Variants in ARHGEF11 observed in about 807,000 individuals in gnomAD.
ARHGEF11 encodes the protein Rho guanine exchange factor (GEF) 11.
A neutral mutation model predicts 193.7 loss-of-function variants in ARHGEF11; 55 were observed. That is an observed-to-expected ratio of 0.28 (90% confidence interval 0.23 to 0.36). ARHGEF11 has a LOEUF of 0.36. Among genes scored for constraint, ARHGEF11 ranks in the 10% least tolerant of loss-of-function variants. The pLI is 1.00. For missense variants in ARHGEF11, 1,723 were observed against 2,005.6 expected, an observed-to-expected ratio of 0.86 and a Z score of 2.69; for synonymous variants, 693 against 768.0, an observed-to-expected ratio of 0.90 and a Z score of 1.62.
At chr1:157,038,249 C>T (rs1672309078) in intron 1 of ARHGEF11, among the ~76,000 whole-genome samples, 1 of 137,216 alleles carries the variant, frequency 7.3e-6, no homozygotes, top group African/African-American at 2.8e-5. Context: ...TCCCATCACA[C>T]CACTTTGTAG....
intron 20 of ARHGEF11, 71 bp downstream of exon 20, chr1:156,955,632 A>C: frequency 8.1e-7 from 1 of 1,228,732 alleles, no homozygotes. Flanking sequence ...CTCTGCCAAC[A>C]TACTGGTACA....
At chr1:157,036,996 C>G (rs1267886118) in intron 1 of ARHGEF11, among the ~76,000 whole-genome samples, 1 of 151,964 alleles carries the variant, frequency 6.6e-6, no homozygotes, top group Non-Finnish European at 1.5e-5. Context: ...GGCATGGGAT[C>G]AGGCACCTGT....
rs1480167148 is a variant in ARHGEF11 at position 156,948,161 on chromosome 1, C to T, written c.2153+20G>A. 6.4e-7 allele frequency: 1 copy of T among 1,551,900 alleles called. No homozygotes were observed. The highest frequency in any genetic ancestry group is 1.3e-5 in the South Asian group (1 of 79,996). On this transcript the variant is annotated intron_variant, in intron 24 of 40. Coordinates refer to ENST00000368194, the MANE Select transcript of ARHGEF11 (RefSeq NM_198236.3). This position sits in a 1 kb window ranked among gnomAD's most constrained non-coding sequence, Gnocchi z 4.2. ...GACACAGAGACACCAAACAGAGGCA[C>T]CACCGTGCCCATCACTTACCTGCGG... is the stretch of plus-strand genomic sequence containing the variant.
chr1:156,956,367 G>T, intron 19 of ARHGEF11, 53 bp downstream of exon 19: 1 of 1,588,872 alleles, frequency 6.3e-7, no homozygotes, highest in Non-Finnish European at 8.6e-7. Flanking sequence ...CACCCGCCTT[G>T]GCATTCCAAA....
intron 1 of ARHGEF11, among the ~76,000 whole-genome samples, chr1:157,034,869 G>C (rs986491663): frequency 5.9e-5 from 9 of 152,196 alleles, no homozygotes; most frequent in Non-Finnish European, 7.4e-5. Flanking sequence ...TGTGCAAAAG[G>C]AATGCTGAAT....
At chr1:156,938,559 A>C in intron 37 of ARHGEF11, 46 bp from the exon 38 acceptor site, 1 of 1,561,160 alleles carries the variant, frequency 6.4e-7, no homozygotes, top group Non-Finnish European at 8.8e-7. Context: ...ACCAAAACAC[A>C]AGGAAAGGGA....
chr1:157,000,762 G>T (rs1454255593), intron 1 of ARHGEF11, among the ~76,000 whole-genome samples: 1 of 152,156 alleles, frequency 6.6e-6, no homozygotes, highest in Non-Finnish European at 1.5e-5. Flanking sequence ...CCCCTTCCTT[G>T]GGCAGGCTGT....
In ARHGEF11 at chr1:157,017,776, A is replaced by G. The variant is rs777726496; in HGVS notation, c.32+26523T>C. The stretch of plus-strand genomic sequence containing the variant: ...AATAATTTCTTTTGTTTTGATTTTT[A>G]AAGAATTTCTGGTAAGAGAGAATCT... On this transcript the variant is annotated intron_variant, in intron 1 of 40. Transcript: ENST00000368194. Among the ~76,000 whole-genome samples, 68 of 151,614 alleles carry G rather than the reference A, an allele frequency of 4.5e-4. 1 individual carries two copies. The highest frequency in any genetic ancestry group is 3.2e-3 in the Middle Eastern group (1 of 314).
Position 156,945,134 on chromosome 1 carries a change from T to C in ARHGEF11, c.2876A>G (p.Tyr959Cys), listed in dbSNP as rs1041459347. 1.2e-6 allele frequency: 2 copies of C among 1,614,212 alleles called. No homozygotes were observed. Among genetic ancestry groups the C allele is most frequent in the Non-Finnish European group, 8.5e-7 (1 of 1,180,030 alleles). The stretch of plus-strand genomic sequence containing the variant: ...TGTTTGTTTTACCGCTTCATTCACA[T>C]ACTTGAGAATCTCCCGGCACTGGTC... ...ARDQCREILK[Y>C]VNEAVKQTEN... The change falls in exon 30 of 41, where the codon TAT (tyrosine) becomes TGT (cysteine). Residue 959 changes from tyrosine to cysteine, a missense_variant. By Grantham distance (194) the Tyr-to-Cys change is radical. Coordinates refer to ENST00000368194, the MANE Select transcript of ARHGEF11 (RefSeq NM_198236.3).
At chr1:156,938,611 CAG>C in intron 37 of ARHGEF11, 98 bp from the exon 38 acceptor site, 1 of 1,138,260 alleles carries the variant, frequency 8.8e-7, no homozygotes, top group South Asian at 1.4e-5. Context: ...GAGGTGGGGA[CAG>C]GGGGAGGAGA....
At chr1:157,046,752 G>C (rs2103149001), upstream of ARHGEF11, among the ~76,000 whole-genome samples, 1 of 152,200 alleles carries the variant, frequency 6.6e-6, no homozygotes, top group Non-Finnish European at 1.5e-5. Context: ...AGAAGGTGCC[G>C]AGCGTTATGA....
chr1:156,997,017 A>G (rs1666614430), intron 1 of ARHGEF11, among the ~76,000 whole-genome samples: 1 of 151,502 alleles, frequency 6.6e-6, no homozygotes, highest in Non-Finnish European at 1.5e-5. Context: ...CTGCACCACT[A>G]TATCTGGCTA....
At chr1:157,011,454 T>C (rs1280001868) in intron 1 of ARHGEF11, among the ~76,000 whole-genome samples, 1 of 151,864 alleles carries the variant, frequency 6.6e-6, no homozygotes, top group Non-Finnish European at 1.5e-5. Context: ...ACCAAAAGCA[T>C]ACGCAAAAAA....
intron 6 of ARHGEF11, among the ~76,000 whole-genome samples, chr1:156,977,836 C>T (rs1663473521): frequency 6.6e-6 from 1 of 152,198 alleles, no homozygotes. Context: ...ATTCCAAACC[C>T]TGGTTAACAC....
chr1:156,979,384 G>A, intron 4 of ARHGEF11, 98 bp from the exon 5 acceptor site: 1 of 362,816 alleles, frequency 2.8e-6, no homozygotes, highest in Non-Finnish European at 4.3e-6. Context: ...TTTTTTTTTT[G>A]AGATGGAGTC....
Position 156,939,845 on chromosome 1 carries a change from C to A in ARHGEF11, c.3799G>T (p.Ala1267Ser). The change falls in exon 37 of 41, where the codon GCC (alanine) becomes TCC (serine). Residue 1267 changes from alanine (A) to serine (S), a missense_variant. Ala to Ser is a moderately conservative substitution (Grantham distance 99, BLOSUM62 1). Around this residue, in one of 5 missense-constraint regions of ARHGEF11, gnomAD observed 203 missense variants for 237.3 expected, o/e 0.86. Coordinates refer to ENST00000368194, the MANE Select transcript of ARHGEF11 (RefSeq NM_198236.3). ...LPGHTMETQA[A>S]QEPEDDLTPT... The stretch of plus-strand genomic sequence containing the variant: ...GTCAGGTCGTCCTCGGGCTCCTGGG[C>A]AGCCTGAGTTTCCATGGTGTGACCT... The A allele has an allele frequency of 2.5e-6, 4 of 1,612,352 alleles. No individual in the cohort carries two copies. Among genetic ancestry groups the A allele is most frequent in the Non-Finnish European group, 3.4e-6 (4 of 1,179,958 alleles).
intron 34 of ARHGEF11, 58 bp downstream of exon 34, chr1:156,941,806 A>AGGAAACAGGAGGTTTGGAGT: frequency 6.5e-7 from 1 of 1,542,700 alleles, no homozygotes; most frequent in Non-Finnish European, 8.7e-7. Flanking sequence ...TAAAAGCAGC[A>AGGAAACAGGAGGTTTGGAGT]GGAAACAGGA....
At chr1:156,947,667 C>G (rs544334064) in intron 25 of ARHGEF11, 102 bp downstream of exon 25, 2 of 1,463,736 alleles carry the variant, frequency 1.4e-6, no homozygotes, top group Admixed American at 2.0e-5. Flanking sequence ...CACACAGGGG[C>G]CCCCCACCCT....
At chr1:157,013,294 CA>C (rs1668786376) in intron 1 of ARHGEF11, among the ~76,000 whole-genome samples, 3 of 151,022 alleles carry the variant, frequency 2.0e-5, no homozygotes, top group East Asian at 2.0e-4. Flanking sequence ...CACACACACA[CA>C]CACACCAAGA....
Sources: allele counts gnomAD v4.1 joint callset (sites outside exome capture counted in the v4.1 genomes callset), GRCh38; gene constraint gnomAD v4.1.1; regional missense constraint gnomAD v4.1.1; non-coding constraint Gnocchi (gnomAD v3.1); transcripts MANE v1.5; gene names NCBI Gene and HGNC (gene_info 2026-07-23, HGNC 2026-07-21).